The following RASGRF2 variants were observed in gnomAD, a reference collection of about 807,000 sequenced individuals.
RASGRF2 encodes ras-specific guanine nucleotide-releasing factor 2.
Under a neutral mutation model 151.0 loss-of-function variants are expected in RASGRF2, and 76 were observed. The observed-to-expected ratio is 0.50, with a 90% CI of 0.42 to 0.61. The LOEUF is 0.61. RASGRF2 is among the 20% of genes least tolerant of loss of function. RASGRF2 has a pLI of 0.00. For synonymous variants in RASGRF2, 504 were observed against 566.5 expected (o/e 0.89, Z 1.57); for missense variants, 1,148 against 1,564.6 (o/e 0.73, Z 4.49).
intron 1 of RASGRF2, among the ~76,000 whole-genome samples, chr5:81,032,480 G>A (rs1345718492): frequency 1.3e-5 from 2 of 152,198 alleles, no homozygotes; most frequent in Non-Finnish European, 2.9e-5. Context: ...TGGGATGCAA[G>A]GCTGGTTCAA....
chr5:81,091,744 TA>T (rs1004867558), intron 9 of RASGRF2, among the ~76,000 whole-genome samples: 1 of 152,104 alleles, frequency 6.6e-6, no homozygotes, highest in Non-Finnish European at 1.5e-5. Context: ...TTGTGCTCAT[TA>T]AAAAAATCAA....
intron 2 of RASGRF2, among the ~76,000 whole-genome samples, chr5:81,044,877 T>A (rs894563220): frequency 5.3e-5 from 8 of 152,016 alleles, no homozygotes; most frequent in South Asian, 2.1e-4. Flanking sequence ...AAGACGAAAG[T>A]AGATTAATGT....
At chr5:80,961,740 C>CT (rs1747564936) in intron 1 of RASGRF2, among the ~76,000 whole-genome samples, 1 of 152,076 alleles carries the variant, frequency 6.6e-6, no homozygotes, top group African/African-American at 2.4e-5. Context: ...TGAATGCGAC[C>CT]TTTTAATTCT....
chr5:81,199,143 C>A (rs75788096), intron 18 of RASGRF2, among the ~76,000 whole-genome samples: 235 of 152,282 alleles, frequency 1.5e-3, no homozygotes, highest in African/African-American at 5.5e-3. Context: ...CCATTTTTGC[C>A]AGTTGTCATA....
At chr5:80,961,069 C>G in intron 1 of RASGRF2, 43 bp downstream of exon 1, 1 of 1,406,244 alleles carries the variant, frequency 7.1e-7, no homozygotes, top group Non-Finnish European at 9.3e-7. Context: ...CCTTGATCGC[C>G]GCACTCCCTT....
At position 81,201,537 on chromosome 5, in the gene RASGRF2, C is replaced by T. The variant is rs2112714632; in HGVS notation, c.2906+95C>T. The T allele has an allele frequency of 8.3e-6, 11 of 1,317,510 alleles. 1 individual carries two copies. The Middle Eastern group carries it at 7.6e-4, about 91-fold the overall frequency. The allele number at this position is 1,317,510 out of a possible 1,614,324, so 81.6% of individuals were successfully genotyped here. A position where few individuals can be genotyped will look rare whatever the true frequency, so the allele number is the denominator to read the frequency against. On this transcript the variant is annotated intron_variant, in intron 19 of 26. Transcript: ENST00000265080. ...CCAATAAATCTTAGAATCCTGGGGA[C>T]AGTGGGGACTATGTTCTCAGCAGTA...
intron 15 of RASGRF2, among the ~76,000 whole-genome samples, chr5:81,115,589 ATTCTCTCT>A (rs1209214205): frequency 6.6e-6 from 1 of 152,128 alleles, no homozygotes; most frequent in Admixed American, 6.5e-5. Context: ...ATAAGTCGGG[ATTCTCTCT>A]TTCTCTCTTT....
chr5:81,127,923 CAAAAAAAAAAA>C (rs60196392), intron 17 of RASGRF2, among the ~76,000 whole-genome samples: 4 of 64,886 alleles, frequency 6.2e-5, no homozygotes, highest in Admixed American at 2.1e-4. Flanking sequence ...GACTCCGTCT[CAAAAAAAAAAA>C]AAAAAAAAAA....
At chr5:81,085,486 T>C (rs1752202000) in intron 7 of RASGRF2, among the ~76,000 whole-genome samples, 1 of 152,190 alleles carries the variant, frequency 6.6e-6, no homozygotes, top group Non-Finnish European at 1.5e-5. Flanking sequence ...TGTTTCCCTC[T>C]GAACCAGTTT....
chr5:81,186,717 T>C (rs17214843), intron 18 of RASGRF2, among the ~76,000 whole-genome samples: 12,361 of 152,228 alleles, frequency 0.081, 533 homozygotes, highest in Middle Eastern at 0.19. Context: ...TAGTCACTCA[T>C]AGCAGCTGAG....
In RASGRF2 at chr5:81,116,848, T is replaced by A. The variant is rs1439209408; in HGVS notation, c.2470+2928T>A. Among the ~76,000 whole-genome samples, 3 of 152,372 alleles carry A rather than the reference T, an allele frequency of 2.0e-5. No individual in the cohort carries two copies. The East Asian group carries it at 5.8e-4, about 29-fold the overall frequency. On this transcript the variant is annotated intron_variant, in intron 15 of 26. Transcript: ENST00000265080. ...GTAATGTCCTCAAGGTTCAACCATA[T>A]GATAGCATGTGATAGAATTTCCTTT...
chr5:81,152,675 TG>T (rs1561233615), intron 17 of RASGRF2, among the ~76,000 whole-genome samples: 1 of 152,146 alleles, frequency 6.6e-6, no homozygotes, highest in Non-Finnish European at 1.5e-5. Flanking sequence ...ATGACAAAAT[TG>T]TACAAAATTA....
chr5:81,170,101 T>C (rs1322965984), intron 17 of RASGRF2, among the ~76,000 whole-genome samples: 1 of 151,652 alleles, frequency 6.6e-6, no homozygotes, highest in African/African-American at 2.4e-5. Context: ...CCGCACCACA[T>C]GTATCACCCA....
chr5:81,046,005 C>T (rs1395796671), intron 2 of RASGRF2, among the ~76,000 whole-genome samples: 1 of 152,154 alleles, frequency 6.6e-6, no homozygotes, highest in African/African-American at 2.4e-5. Flanking sequence ...AGTCTGATGG[C>T]ATTAATTCAG....
chr5:81,045,178 G>A (rs1750798127), intron 2 of RASGRF2, among the ~76,000 whole-genome samples: 1 of 152,152 alleles, frequency 6.6e-6, no homozygotes, highest in South Asian at 2.1e-4. Flanking sequence ...GAGCCCTTGG[G>A]TCATTTCCAG....
At chr5:81,065,129 G>A (rs746228264) in intron 2 of RASGRF2, among the ~76,000 whole-genome samples, 9 of 152,234 alleles carry the variant, frequency 5.9e-5, no homozygotes, top group Non-Finnish European at 1.3e-4. Context: ...GATTGACACC[G>A]TGATCGTAGC....
At chr5:81,201,575 T>G in intron 19 of RASGRF2, 133 bp downstream of exon 19, 2 of 1,002,126 alleles carry the variant, frequency 2.0e-6, no homozygotes, top group Non-Finnish European at 2.8e-6. Context: ...GTGTTATGTA[T>G]TATCTTCTCT....
At chr5:81,208,208 T>C (rs995684190) in intron 21 of RASGRF2, 146 bp from the exon 22 acceptor site, 26 of 601,418 alleles carry the variant, frequency 4.3e-5, no homozygotes, top group Non-Finnish European at 7.2e-5. Context: ...TAAAATTCAC[T>C]TGTGAGGCTG....
chr5:81,059,257 G>A (rs370798588), intron 2 of RASGRF2, among the ~76,000 whole-genome samples: 1 of 151,690 alleles, frequency 6.6e-6, no homozygotes, highest in East Asian at 1.9e-4. Context: ...GGTGGCAGGC[G>A]CCTGTAGTCC....
Sources: allele counts gnomAD v4.1 joint callset (sites outside exome capture counted in the v4.1 genomes callset), GRCh38; gene constraint gnomAD v4.1.1; transcripts MANE v1.5; gene names NCBI Gene and HGNC (gene_info 2026-07-23, HGNC 2026-07-21).